Variants in UNC5D observed in about 807,000 individuals in gnomAD.
The protein encoded by UNC5D is unc-5 netrin receptor D.
Under a neutral mutation model 105.4 loss-of-function variants are expected in UNC5D, and 39 were observed. The ratio of observed to expected loss-of-function variants is 0.37; its 90% CI spans 0.29 to 0.48. UNC5D has a LOEUF of 0.48. UNC5D is among the 20% of genes least tolerant of loss of function. The pLI, the probability that UNC5D is intolerant of heterozygous loss-of-function variation, is 0.98. For missense variants in UNC5D, 991 were observed against 1,202.4 expected (o/e 0.82, Z 2.60); for synonymous variants, 452 against 450.4 (o/e 1.00, Z -0.04).
chr8:35,618,189 T>A (rs1821148908), intron 4 of UNC5D, among the ~76,000 whole-genome samples: 2 of 152,206 alleles, frequency 1.3e-5, no homozygotes, highest in Admixed American at 6.5e-5. Context: ...TCACTCTAGT[T>A]CATCAGTCAT....
intron 1 of UNC5D, among the ~76,000 whole-genome samples, chr8:35,513,538 C>T (rs1343832495): frequency 6.6e-6 from 1 of 152,142 alleles, no homozygotes; most frequent in Non-Finnish European, 1.5e-5. Flanking sequence ...CGGGCCCTTC[C>T]TCAACAAGCT....
chr8:35,653,997 A>C (rs2131195087), intron 4 of UNC5D, among the ~76,000 whole-genome samples: 1 of 152,212 alleles, frequency 6.6e-6, no homozygotes, highest in South Asian at 2.1e-4. Context: ...CATCTGCAGG[A>C]ATTCTTTGTG....
intron 1 of UNC5D, among the ~76,000 whole-genome samples, chr8:35,385,648 A>G (rs889900007): frequency 7.9e-5 from 12 of 151,568 alleles, no homozygotes; most frequent in Non-Finnish European, 1.8e-4. Flanking sequence ...TGTATTTTTA[A>G]TGGAGACGGG....
At chr8:35,591,498 T>C (rs2130884664) in intron 3 of UNC5D, among the ~76,000 whole-genome samples, 1 of 152,296 alleles carries the variant, frequency 6.6e-6, no homozygotes, top group East Asian at 1.9e-4. Context: ...TTTTGCAAAC[T>C]CAAGTCCTTT....
At chr8:35,589,746 T>C (rs1424476732) in intron 3 of UNC5D, among the ~76,000 whole-genome samples, 4 of 152,200 alleles carry the variant, frequency 2.6e-5, no homozygotes, top group African/African-American at 4.8e-5. Flanking sequence ...AAACGAATCA[T>C]ACAATAAGTG....
chr8:35,687,674 G>T (rs1320063036), intron 7 of UNC5D, among the ~76,000 whole-genome samples: 1 of 151,978 alleles, frequency 6.6e-6, no homozygotes, highest in South Asian at 2.1e-4. Flanking sequence ...GTTTCAATTT[G>T]GTGCTCTTCC....
intron 14 of UNC5D, among the ~76,000 whole-genome samples, chr8:35,765,393 T>C (rs886583440): frequency 6.6e-6 from 1 of 152,230 alleles, no homozygotes; most frequent in Non-Finnish European, 1.5e-5. Flanking sequence ...TTCCTGCCTA[T>C]AGACCTTCTC....
At chr8:35,613,713 G>A (rs151010135) in intron 4 of UNC5D, among the ~76,000 whole-genome samples, 139 of 152,254 alleles carry the variant, frequency 9.1e-4, no homozygotes, top group African/African-American at 3.3e-3. Context: ...GCCAGGCATG[G>A]TGGTGCATGC....
chr8:35,313,047 A>G (rs779599951), intron 1 of UNC5D, among the ~76,000 whole-genome samples: 2 of 152,162 alleles, frequency 1.3e-5, no homozygotes, highest in African/African-American at 4.8e-5. Context: ...GAAAAGACCA[A>G]TCTGTTGAAA....
At chr8:35,626,335 A>G (rs1236415192) in intron 4 of UNC5D, among the ~76,000 whole-genome samples, 1 of 151,292 alleles carries the variant, frequency 6.6e-6, no homozygotes, top group Non-Finnish European at 1.5e-5. Flanking sequence ...AAAAATATCT[A>G]TATGTATTTT....
At chr8:35,563,578 C>CT (rs1457608458) in intron 2 of UNC5D, among the ~76,000 whole-genome samples, 2 of 151,986 alleles carry the variant, frequency 1.3e-5, no homozygotes, top group Non-Finnish European at 2.9e-5. Flanking sequence ...GCTAATTTGA[C>CT]TTTTTCCTCT....
intron 1 of UNC5D, among the ~76,000 whole-genome samples, chr8:35,428,424 G>A (rs146803979): frequency 0.014 from 2,102 of 145,608 alleles, 61 homozygotes; most frequent in African/African-American, 0.051. Flanking sequence ...GGGCTCAAGC[G>A]ATCCTCCTGC....
chr8:35,741,106 C>G (rs1158255840), intron 11 of UNC5D, among the ~76,000 whole-genome samples: 1 of 152,168 alleles, frequency 6.6e-6, no homozygotes, highest in East Asian at 1.9e-4. Flanking sequence ...TAAATGCAAG[C>G]CTGACACTGC....
chr8:35,789,325 C>T (rs1373912258), intron 16 of UNC5D, among the ~76,000 whole-genome samples: 5 of 149,806 alleles, frequency 3.3e-5, no homozygotes, highest in South Asian at 2.1e-4. Flanking sequence ...AGAGTATATT[C>T]GAGTTTTGAA....
At chr8:35,784,621 A>T (rs560044362) in intron 16 of UNC5D, among the ~76,000 whole-genome samples, 1 of 152,048 alleles carries the variant, frequency 6.6e-6, no homozygotes, top group African/African-American at 2.4e-5. Context: ...GGTGGCACAC[A>T]CCTGTAATCC....
At position 35,793,041 on chromosome 8, in the gene UNC5D, T is replaced by A. The variant is rs1803115882; in HGVS notation, c.*2478T>A. The A allele has an allele frequency of 6.6e-6, 3 of 454,286 alleles. No individual in the cohort carries two copies. The highest frequency in any genetic ancestry group is 4.7e-5 in the South Asian group (3 of 63,938). The allele number at this position is 454,286 out of a possible 1,614,324, so 28.1% of individuals were successfully genotyped here. On this transcript the variant is annotated 3_prime_UTR_variant, in exon 17 of 17. Coordinates refer to ENST00000404895, the MANE Select transcript of UNC5D (RefSeq NM_080872.4). Reference sequence around the variant, plus strand: ...TCATATAGGATAACAAAGGAGGAAGTTAACTTAATTCACCTCAGACTTCAG... The same window carrying A: ...TCATATAGGATAACAAAGGAGGAAGATAACTTAATTCACCTCAGACTTCAG...
intron 1 of UNC5D, among the ~76,000 whole-genome samples, chr8:35,284,352 A>G (rs1456261469): frequency 6.6e-6 from 1 of 152,232 alleles, no homozygotes; most frequent in Non-Finnish European, 1.5e-5. Context: ...TATTTGCACA[A>G]GAATGACAAA....
At chr8:35,735,733 A>C (rs1269317142) in intron 11 of UNC5D, among the ~76,000 whole-genome samples, 2 of 152,250 alleles carry the variant, frequency 1.3e-5, no homozygotes, top group African/African-American at 4.8e-5. Flanking sequence ...CAAACACTGC[A>C]GTATAAGCCA....
chr8:35,790,330 G>T (rs771279544), intron 16 of UNC5D, 29 bp from the exon 17 acceptor site: 2 of 1,604,372 alleles, frequency 1.2e-6, no homozygotes, highest in Non-Finnish European at 1.7e-6. Context: ...GTTTCGTTTT[G>T]TTCTTTGTGT....
Sources: gnomAD v4.1 joint callset for allele counts (sites outside exome capture counted in the v4.1 genomes callset) on GRCh38, gnomAD v4.1.1 for gene constraint, MANE v1.5 for transcripts, NCBI Gene and HGNC (gene_info 2026-07-23, HGNC 2026-07-21) for gene names.